ZNF143: variants seen among roughly 807,000 people sequenced by gnomAD.
ZNF143 encodes the protein zinc finger protein 143.
A neutral mutation model predicts 74.1 loss-of-function variants in ZNF143; 49 were observed. That is an observed-to-expected ratio of 0.66 (90% CI 0.53 to 0.84). ZNF143 has a LOEUF of 0.84. Among genes scored for constraint, ZNF143 ranks in the 40% least tolerant of loss-of-function variants. ZNF143 has a pLI of 0.00. For missense variants in ZNF143, 637 were observed against 793.4 expected (o/e 0.80, Z 2.37); for synonymous variants, 304 against 282.8 (o/e 1.07, Z -0.75).
At chr11:9,463,017 C>G (rs1855966434) in intron 1 of ZNF143, among the ~76,000 whole-genome samples, 1 of 152,236 alleles carries the variant, frequency 6.6e-6, no homozygotes, top group South Asian at 2.1e-4. Flanking sequence ...CACCCCACTA[C>G]TAGTTTGCAT....
At position 9,497,594 on chromosome 11, in the gene ZNF143, A is replaced by G. The variant is rs375996063; in HGVS notation, c.842-81A>G. ...TGATATTTTATACTTGGTATTGACT[A>G]TATTTTTCAGTAGCTTATTCTCAGT... is the stretch of plus-strand genomic sequence containing the variant. On this transcript the variant is annotated intron_variant, in intron 9 of 15. Coordinates refer to ENST00000396602, the MANE Select transcript of ZNF143 (RefSeq NM_003442.6). The G allele has an allele frequency of 4.8e-5, 54 of 1,118,790 alleles. 1 individual carries two copies. The African/African-American group carries it at 5.7e-4, about 12-fold the overall frequency. 69.3% of individuals were successfully genotyped at this position (1,118,790 alleles called of 1,614,324 possible). A position where few individuals can be genotyped will look rare whatever the true frequency, so the allele number is the denominator to read the frequency against.
chr11:9,469,377 G>A (rs905338852), intron 1 of ZNF143, among the ~76,000 whole-genome samples: 33 of 151,516 alleles, frequency 2.2e-4, no homozygotes, highest in African/African-American at 6.8e-4. Flanking sequence ...GATTACAGGC[G>A]TGCACCACCA....
intron 11 of ZNF143, among the ~76,000 whole-genome samples, chr11:9,505,516 AC>A (rs1287136147): frequency 6.6e-6 from 1 of 150,760 alleles, no homozygotes; most frequent in Non-Finnish European, 1.5e-5. Context: ...GTGAGCCACC[AC>A]GCCCAGCCCT....
intron 7 of ZNF143, among the ~76,000 whole-genome samples, chr11:9,486,363 T>TACATATAATATATTATATATATTA (rs1491555379): frequency 1.5e-4 from 6 of 41,252 alleles, no homozygotes; most frequent in African/African-American, 6.6e-4. Context: ...TATATATATA[T>TACATATAATATATTATATATATTA]TATATATAAT....
intron 12 of ZNF143, among the ~76,000 whole-genome samples, chr11:9,509,529 A>G (rs762070560): frequency 2.6e-4 from 39 of 152,244 alleles, no homozygotes; most frequent in Non-Finnish European, 4.9e-4. Flanking sequence ...TCTAAAACAC[A>G]AAACAAAGCA....
In ZNF143 at chr11:9,516,419, C is replaced by T. The variant is rs1168574416; in HGVS notation, c.1686+57C>T. ...ACATATATCAGTACCAAAACAGTTACATAGGTATGCAATGTGGTACAACAG... is the reference window on the plus strand; with the variant it reads ...ACATATATCAGTACCAAAACAGTTATATAGGTATGCAATGTGGTACAACAG... On this transcript the variant is annotated intron_variant, in intron 14 of 15. Coordinates refer to ENST00000396602, the MANE Select transcript of ZNF143 (RefSeq NM_003442.6). 29 of 1,465,402 alleles carry T rather than the reference C, an allele frequency of 2.0e-5. 1 individual carries two copies. Among genetic ancestry groups the T allele is most frequent in the Non-Finnish European group, 2.6e-5 (28 of 1,082,256 alleles). The allele number at this position is 1,465,402 out of a possible 1,614,324, so 90.8% of individuals were successfully genotyped here.
intron 5 of ZNF143, among the ~76,000 whole-genome samples, chr11:9,475,393 A>G (rs1013807043): frequency 2.6e-5 from 4 of 152,136 alleles, no homozygotes; most frequent in Admixed American, 1.3e-4. Context: ...CTGAGCAGCT[A>G]GGACTACACG....
intron 5 of ZNF143, among the ~76,000 whole-genome samples, chr11:9,477,330 C>T (rs1256704211): frequency 2.0e-5 from 3 of 151,262 alleles, no homozygotes; most frequent in Non-Finnish European, 2.9e-5. Context: ...TCTCGGCTCA[C>T]TGCAACCTCC....
intron 7 of ZNF143, among the ~76,000 whole-genome samples, chr11:9,486,399 A>AATTATATATATATG (rs1847509292): frequency 3.6e-5 from 1 of 27,550 alleles, no homozygotes. Flanking sequence ...TATATATAAT[A>AATTATATATATATG]TATTATATAT....
intron 5 of ZNF143, among the ~76,000 whole-genome samples, chr11:9,477,244 T>C (rs1856985395): frequency 1.4e-5 from 2 of 142,874 alleles, no homozygotes; most frequent in African/African-American, 5.1e-5. Flanking sequence ...CTTCCCTTCC[T>C]TCCCTTCCTT....
intron 15 of ZNF143, among the ~76,000 whole-genome samples, chr11:9,527,134 A>G (rs913074133): frequency 1.3e-5 from 2 of 151,578 alleles, no homozygotes; most frequent in Non-Finnish European, 2.9e-5. Context: ...CGCCCAGCCA[A>G]TTTTTGTATT....
chr11:9,491,238 A>C (rs1847762477), intron 7 of ZNF143, among the ~76,000 whole-genome samples: 2 of 151,580 alleles, frequency 1.3e-5, no homozygotes, highest in Non-Finnish European at 2.9e-5. Flanking sequence ...AAACAAGAAA[A>C]AGATACATTT....
In ZNF143 at chr11:9,507,802, A is replaced by T. The variant is rs550832984; in HGVS notation, c.1148-817A>T. Among the ~76,000 whole-genome samples, 36 of 152,334 alleles carry T rather than the reference A, an allele frequency of 2.4e-4. 1 individual carries two copies. The highest frequency in any genetic ancestry group is 8.7e-4 in the African/African-American group (36 of 41,584). On this transcript the variant is annotated intron_variant, in intron 11 of 15. Transcript: ENST00000396602. ...ACTGGGACCCATCTTTTTGGTATACAGCCTGAAAGAAAAAGAATGTTACCT... is the reference window on the plus strand; with the variant it reads ...ACTGGGACCCATCTTTTTGGTATACTGCCTGAAAGAAAAAGAATGTTACCT...
intron 14 of ZNF143, among the ~76,000 whole-genome samples, chr11:9,522,391 A>G (rs888975742): frequency 1.4e-4 from 21 of 146,572 alleles, no homozygotes; most frequent in Non-Finnish European, 2.4e-4. Context: ...GCTTCTGGGG[A>G]AAAAAAAAAA....
In ZNF143 at chr11:9,525,253, C is replaced by G. The variant is rs77240493; in HGVS notation, c.1700C>G (p.Ala567Gly). ...GTTTTGCTTAAGGTTGCAATTGTAG[C>G]TCAAGACTTGGCAGCATTCCATACT... ...GTEGEQVAIV[A>G]QDLAAFHTAS... Residue 567 changes from alanine to glycine, a missense_variant, in exon 15 of 16, where the codon GCT becomes GGT. This residue lies in a region of ZNF143 where 344 missense variants were observed against 485.6 expected (regional missense o/e 0.71). Transcript: ENST00000396602. 1.9e-4 allele frequency: 302 copies of G among 1,614,118 alleles called. 1 individual carries two copies. The East Asian group carries it at 6.7e-3, about 36-fold the overall frequency.
intron 14 of ZNF143, among the ~76,000 whole-genome samples, chr11:9,516,680 C>G (rs988224741): frequency 6.6e-6 from 1 of 152,112 alleles, no homozygotes; most frequent in South Asian, 2.1e-4. Context: ...GAAATACTTG[C>G]AAAACTTACT....
At chr11:9,476,894 G>A (rs1856939780) in intron 5 of ZNF143, among the ~76,000 whole-genome samples, 1 of 149,692 alleles carries the variant, frequency 6.7e-6, no homozygotes, top group South Asian at 2.1e-4. Flanking sequence ...GGAGTAGCTG[G>A]GACTACAGGC....
chr11:9,478,467 G>C lies in ZNF143; in HGVS notation c.451G>C (p.Val151Leu). The C allele has an allele frequency of 1.9e-6, 3 of 1,614,216 alleles. No individual in the cohort carries two copies. Among genetic ancestry groups the C allele is most frequent in the Non-Finnish European group, 2.5e-6 (3 of 1,180,034 alleles). Residue 151 changes from valine to leucine, a missense_variant, in exon 6 of 16, where the codon GTC (valine) becomes CTC (leucine). By Grantham distance (32) the Val-to-Leu change is conservative (BLOSUM62 1). This residue lies in a region of ZNF143 where 293 missense variants were observed against 307.8 expected (regional missense o/e 0.95). Coordinates refer to ENST00000396602, the MANE Select transcript of ZNF143 (RefSeq NM_003442.6). ...AGCTTATATCCACCATGCAGTGCAA[G>C]TCCCGCAGTCTGACACCATCTTGGC... is the stretch of plus-strand genomic sequence containing the variant. ...TTAYIHHAVQ[V>L]PQSDTILAIQ... is the part of the protein sequence containing the mutation.
intron 3 of ZNF143, 175 bp from the exon 4 acceptor site, chr11:9,473,766 G>A: frequency 1.3e-6 from 2 of 1,529,950 alleles, no homozygotes; most frequent in Non-Finnish European, 8.8e-7. Flanking sequence ...AGGATTTTCT[G>A]CTTTCTGTAG....
Sources: allele counts gnomAD v4.1 joint callset (sites outside exome capture counted in the v4.1 genomes callset), GRCh38; gene constraint gnomAD v4.1.1; regional missense constraint gnomAD v4.1.1; transcripts MANE v1.5; gene names NCBI Gene and HGNC (gene_info 2026-07-23, HGNC 2026-07-21).